KANSL2: variants seen among roughly 807,000 people sequenced by gnomAD.
KANSL2 encodes the protein KAT8 regulatory NSL complex subunit 2.
KANSL2 carries 34 observed loss-of-function variants against 55.6 expected under a neutral mutation model. The ratio of observed to expected loss-of-function variants is 0.61; its 90% CI spans 0.46 to 0.81. The LOEUF (loss-of-function observed/expected upper bound fraction) is 0.81. KANSL2 is among the 40% of genes least tolerant of loss of function. The probability of loss-of-function intolerance (pLI) is 0.00; values close to 1 mark genes in which losing one functional copy is unlikely to be tolerated. For synonymous variants in KANSL2, 209 were observed against 214.3 expected (o/e 0.98, Z 0.22); for missense variants, 502 against 609.9 (o/e 0.82, Z 1.86).
intron 4 of KANSL2, 23 bp from the exon 5 acceptor site, chr12:48,671,985 A>C (rs1453590532): frequency 6.5e-7 from 1 of 1,530,794 alleles, no homozygotes. Flanking sequence ...AGAATTCAGC[A>C]AAGCATAAGA....
Position 48,654,056 on chromosome 12 carries a change from A to G in KANSL2, c.1467T>C (p.Thr489=). The G allele has an allele frequency of 6.3e-7, 1 of 1,589,842 alleles. No individual in the cohort carries two copies. The highest frequency in any genetic ancestry group is 8.5e-7 in the Non-Finnish European group (1 of 1,172,466). Residue 489 remains threonine, a synonymous_variant, in exon 10 of 10, where the codon ACT becomes ACC. Transcript: ENST00000420613. ...GTTCCCCAAACTATCAACTAATAGA[A>G]GTGGGTTCTGGCTTCCCATTTGCAG... The part of the protein sequence containing the change: ...LATANGKPEP[T]SIS
intron 4 of KANSL2, among the ~76,000 whole-genome samples, chr12:48,673,287 C>T (rs1223374705): frequency 6.6e-6 from 1 of 152,100 alleles, no homozygotes; most frequent in African/African-American, 2.4e-5. Flanking sequence ...TGGCCAGGCA[C>T]GGTGGCTCAC....
At chr12:48,667,903 CAA>C (rs1939633062) in intron 6 of KANSL2, 114 bp from the exon 7 acceptor site, 1 of 752,628 alleles carries the variant, frequency 1.3e-6, no homozygotes, top group Non-Finnish European at 2.2e-6. Context: ...CAACATTTAA[CAA>C]AAATAGATTC....
intron 5 of KANSL2, among the ~76,000 whole-genome samples, chr12:48,671,433 C>CCACT (rs1262815110): frequency 6.6e-6 from 1 of 152,080 alleles, no homozygotes; most frequent in South Asian, 2.1e-4. Flanking sequence ...CATTGACTCA[C>CCACT]CACTCACTCA....
intron 7 of KANSL2, chr12:48,662,526 A>C (rs1166402477): frequency 2.4e-6 from 3 of 1,248,736 alleles, no homozygotes; most frequent in African/African-American, 1.6e-5. Flanking sequence ...CAGATGGGGC[A>C]AAAGAGGTAA....
At chr12:48,675,957 T>A (rs1384326707) in intron 4 of KANSL2, among the ~76,000 whole-genome samples, 8 of 152,200 alleles carry the variant, frequency 5.3e-5, no homozygotes, top group Non-Finnish European at 5.9e-5. Flanking sequence ...TGATGAAGAT[T>A]CAATAATGTG....
intron 7 of KANSL2, 192 bp downstream of exon 7, chr12:48,667,501 T>A (rs773846936): frequency 5.6e-6 from 4 of 719,158 alleles, no homozygotes; most frequent in South Asian, 5.5e-5. Context: ...TCCAAAGTTA[T>A]GAAATGGCCA....
At position 48,656,493 on chromosome 12, in the gene KANSL2, T is replaced by C. The variant is rs550138725; in HGVS notation, c.1228-1433A>G. On this transcript the variant is annotated intron_variant, in intron 8 of 9. Transcript: ENST00000420613. ...TTTCACCATGTTAGCCAGGATGGCC[T>C]TGATCTCCCGACCAGTGATTGGCCC... Among the ~76,000 whole-genome samples the C allele has an allele frequency of 2.0e-5, 3 of 151,788 alleles. No homozygotes were observed. In the South Asian group the frequency reaches 6.3e-4, roughly 32 times the overall value.
At chr12:48,658,867 A>G (rs751929007) in intron 8 of KANSL2, among the ~76,000 whole-genome samples, 4 of 152,266 alleles carry the variant, frequency 2.6e-5, no homozygotes, top group Admixed American at 6.5e-5. Context: ...TAAGGTGTTA[A>G]GTTACTACTT....
intron 4 of KANSL2, among the ~76,000 whole-genome samples, chr12:48,673,550 A>C (rs1939766579): frequency 6.7e-6 from 1 of 149,516 alleles, no homozygotes. Flanking sequence ...ACAGAGCAAG[A>C]CTCCATCTCA....
intron 7 of KANSL2, 110 bp from the exon 8 acceptor site, chr12:48,660,729 A>C: frequency 9.1e-7 from 1 of 1,104,084 alleles, no homozygotes; most frequent in Non-Finnish European, 1.3e-6. Flanking sequence ...AAGATAAATT[A>C]CAACTACATT....
intron 2 of KANSL2, chr12:48,681,174 T>C (rs1318176616): frequency 4.9e-6 from 2 of 408,354 alleles, no homozygotes; most frequent in Non-Finnish European, 8.5e-6. Flanking sequence ...ATTTTACAGA[T>C]AAGGGAAAAG....
intron 7 of KANSL2, among the ~76,000 whole-genome samples, chr12:48,662,128 G>C (rs182214152): frequency 3.9e-5 from 6 of 151,958 alleles, no homozygotes; most frequent in Non-Finnish European, 7.4e-5. Flanking sequence ...TTTTTTACAC[G>C]AAGTCTCGCT....
intron 7 of KANSL2, chr12:48,662,672 G>A (rs1939509990): frequency 7.8e-7 from 1 of 1,284,894 alleles, no homozygotes; most frequent in Non-Finnish European, 1.0e-6. Flanking sequence ...AAGGACTTAA[G>A]GAAGGGTAAG....
intron 2 of KANSL2, among the ~76,000 whole-genome samples, chr12:48,680,299 C>G (rs1425241382): frequency 6.6e-6 from 1 of 152,160 alleles, no homozygotes; most frequent in African/African-American, 2.4e-5. Context: ...TCAAGTGATC[C>G]TCCCACCTCA....
At chr12:48,656,652 G>T in intron 8 of KANSL2, 1 of 489,756 alleles carries the variant, frequency 2.0e-6, no homozygotes, top group Non-Finnish European at 4.0e-6. Flanking sequence ...TCTAGACTAT[G>T]TTTCTTCCAA....
intron 1 of KANSL2, 26 bp downstream of exon 1, chr12:48,682,161 T>G (rs1565611380): frequency 2.9e-6 from 2 of 700,202 alleles, no homozygotes; most frequent in Non-Finnish European, 2.6e-6. Flanking sequence ...CGCAAGAGCT[T>G]AGAGGAAAGA....
chr12:48,673,539 G>A (rs926978824), intron 4 of KANSL2, among the ~76,000 whole-genome samples: 4 of 148,708 alleles, frequency 2.7e-5, no homozygotes, highest in African/African-American at 9.9e-5. Context: ...CAGCCTGGGT[G>A]ACAGAGCAAG....
At chr12:48,676,386 C>T (rs1192213152) in intron 4 of KANSL2, among the ~76,000 whole-genome samples, 1 of 152,084 alleles carries the variant, frequency 6.6e-6, no homozygotes, top group Non-Finnish European at 1.5e-5. Flanking sequence ...GATCACTGGG[C>T]GCACTGGTTC....
Sources: gnomAD v4.1 joint callset for allele counts (sites outside exome capture counted in the v4.1 genomes callset) on GRCh38, gnomAD v4.1.1 for gene constraint, MANE v1.5 for transcripts, NCBI Gene and HGNC (gene_info 2026-07-23, HGNC 2026-07-21) for gene names.